ACSBG2: variants seen among roughly 807,000 people sequenced by gnomAD.
ACSBG2 encodes the protein long-chain-fatty-acid--CoA ligase ACSBG2.
ACSBG2 carries 62 observed loss-of-function variants against 74.7 expected under a neutral mutation model. The observed-to-expected ratio is 0.83, with a 90% confidence interval of 0.68 to 1.03. The LOEUF (loss-of-function observed/expected upper bound fraction) is 1.03, where lower values mean the gene tolerates loss of function less well. Ranked by LOEUF, ACSBG2 falls within the 50% of genes least tolerant of loss-of-function variation. ACSBG2 has a pLI of 0.00. For missense variants in ACSBG2, 730 were observed against 817.6 expected (o/e 0.89, Z 1.31); for synonymous variants, 309 against 294.1 (o/e 1.05, Z -0.52).
chr19:6,170,716 G>A (rs1421201246), intron 7 of ACSBG2, among the ~76,000 whole-genome samples: 5 of 152,188 alleles, frequency 3.3e-5, no homozygotes. Context: ...TGTATATTCA[G>A]AGGCCACTGG....
intron 7 of ACSBG2, among the ~76,000 whole-genome samples, chr19:6,175,581 G>C (rs978875940): frequency 1.3e-5 from 2 of 152,124 alleles, no homozygotes; most frequent in Non-Finnish European, 2.9e-5. Flanking sequence ...TGAAGAAAGA[G>C]CATTCCAAGC....
At chr19:6,156,665 T>C (rs80091062) in intron 5 of ACSBG2, 114 bp downstream of exon 5, 66,847 of 1,189,620 alleles carry the variant, frequency 0.056, 4,153 homozygotes, top group African/African-American at 0.31. Context: ...GCCATGCATC[T>C]GTTCAGCGAG....
rs2090437842 is a variant in ACSBG2, at chr19:6,187,374, G to T, written c.1632G>T (p.Met544Ile). The change falls in exon 12 of 15, where the codon ATG becomes ATT. Residue 544 changes from methionine (M) to isoleucine (I), a missense_variant. Physicochemically the swap from Met to Ile is conservative, Grantham distance 10. Coordinates refer to ENST00000588485, the MANE Select transcript of ACSBG2 (RefSeq NM_030924.5). ...AGATCCCCATCATCAGTAACGCCATGTTAGTAGGAGATAAACTGAAGTTTC... is the reference window on the plus strand; with the variant it reads ...AGATCCCCATCATCAGTAACGCCATTTTAGTAGGAGATAAACTGAAGTTTC... ...KKKIPIISNA[M>I]LVGDKLKFLS... The T allele has an allele frequency of 6.2e-7, 1 of 1,614,168 alleles. No homozygotes were observed. The highest frequency in any genetic ancestry group is 1.7e-5 in the Admixed American group (1 of 60,008).
chr19:6,182,571 G>A (rs922624535), intron 8 of ACSBG2, among the ~76,000 whole-genome samples, 180 bp from the exon 9 acceptor site: 4 of 152,128 alleles, frequency 2.6e-5, no homozygotes, highest in African/African-American at 9.7e-5. Context: ...TCCCTAGACA[G>A]AGTGCAAAAA....
intron 14 of ACSBG2, chr19:6,192,071 CAAAAAAAAAAA>C (rs397859531): frequency 1.6e-4 from 9 of 57,476 alleles, no homozygotes; most frequent in Non-Finnish European, 2.1e-4. Flanking sequence ...AGCACAGCAC[CAAAAAAAAAAA>C]AAAAAAAAAA....
chr19:6,149,913 G>A (rs2089176109), intron 3 of ACSBG2, among the ~76,000 whole-genome samples: 1 of 151,164 alleles, frequency 6.6e-6, no homozygotes, highest in Non-Finnish European at 1.5e-5. Flanking sequence ...CAAAGTGCTG[G>A]GATTACAGGC....
chr19:6,179,067 T>C (rs911873220), intron 8 of ACSBG2, among the ~76,000 whole-genome samples: 3 of 152,124 alleles, frequency 2.0e-5, no homozygotes, highest in Non-Finnish European at 4.4e-5. Flanking sequence ...GGCGGTTTTC[T>C]GGAAAAGAGG....
intron 5 of ACSBG2, among the ~76,000 whole-genome samples, chr19:6,157,149 C>T (rs558096299): frequency 1.3e-5 from 2 of 152,184 alleles, no homozygotes; most frequent in Non-Finnish European, 1.5e-5. Flanking sequence ...GGGGTTTCAC[C>T]GTGTTAGCCA....
chr19:6,177,248 C>T lies in ACSBG2; in HGVS notation c.758C>T (p.Ala253Val), dbSNP rs2145205534. 1 of 1,614,064 alleles carries T rather than the reference C, an allele frequency of 6.2e-7. No individual in the cohort carries two copies. The highest frequency in any genetic ancestry group is 8.5e-7 in the Non-Finnish European group (1 of 1,180,008). ...SHDNITWIAGAVTKDFKLTDK... is the reference protein window; with the variant it reads ...SHDNITWIAGVVTKDFKLTDK... Reference sequence around the variant, plus strand: ...TTACAGATCACGTGGATTGCAGGAGCAGTGACAAAGGACTTTAAACTGACA... The same window carrying T: ...TTACAGATCACGTGGATTGCAGGAGTAGTGACAAAGGACTTTAAACTGACA... Residue 253 changes from alanine (A) to valine (V), a missense_variant, in exon 8 of 15, where the codon GCA (alanine) becomes GTA (valine). Physicochemically the swap from Ala to Val is moderately conservative, Grantham distance 64. Transcript: ENST00000588485.
At chr19:6,150,452 T>A (rs1294749335) in intron 3 of ACSBG2, among the ~76,000 whole-genome samples, 1 of 151,760 alleles carries the variant, frequency 6.6e-6, no homozygotes, top group Non-Finnish European at 1.5e-5. Context: ...CGTGTGTCCA[T>A]CAATGGAAGA....
chr19:6,145,838 G>C (rs1471125316), intron 2 of ACSBG2, among the ~76,000 whole-genome samples: 1 of 152,080 alleles, frequency 6.6e-6, no homozygotes, highest in African/African-American at 2.4e-5. Flanking sequence ...AACCTCAATG[G>C]CTTAACACAA....
intron 2 of ACSBG2, among the ~76,000 whole-genome samples, chr19:6,141,937 C>T (rs1394657382): frequency 1.3e-5 from 2 of 152,080 alleles, no homozygotes; most frequent in Non-Finnish European, 2.9e-5. Context: ...CGCTATGTTC[C>T]CCAGGCTGGT....
intron 3 of ACSBG2, among the ~76,000 whole-genome samples, chr19:6,147,953 T>C (rs373710525): frequency 1.4e-3 from 219 of 152,366 alleles, no homozygotes; most frequent in African/African-American, 4.2e-3. Flanking sequence ...AATAGCCTAC[T>C]ACACCCATGG....
At chr19:6,183,356 G>A (rs1038755290) in intron 10 of ACSBG2, 84 bp downstream of exon 10, 23 of 1,180,084 alleles carry the variant, frequency 1.9e-5, no homozygotes, top group Non-Finnish European at 2.7e-5. Flanking sequence ...GGGCCTCTGG[G>A]TTAAGAGGAA....
At chr19:6,136,152 C>CTGGAGTACAGT (rs369519317) in intron 1 of ACSBG2, among the ~76,000 whole-genome samples, 2 of 147,512 alleles carry the variant, frequency 1.4e-5, no homozygotes, top group East Asian at 2.0e-4. Flanking sequence ...GTTGCCCAGG[C>CTGGAGTACAGT]GCAATCTCGG....
At chr19:6,140,687 C>G (rs1044941268) in intron 1 of ACSBG2, among the ~76,000 whole-genome samples, 1 of 152,112 alleles carries the variant, frequency 6.6e-6, no homozygotes, top group African/African-American at 2.4e-5. Context: ...CCCATGTGAT[C>G]TTAAGTCTGA....
chr19:6,190,917 A>G, intron 14 of ACSBG2: 1 of 370,926 alleles, frequency 2.7e-6, no homozygotes. Context: ...TACCAGGGTC[A>G]TGGTAGGGTG....
At chr19:6,190,790 A>AACACACAC (rs767980382) in intron 14 of ACSBG2, 98 bp downstream of exon 14, 3 of 557,764 alleles carry the variant, frequency 5.4e-6, no homozygotes, top group Admixed American at 5.5e-5. Flanking sequence ...AACTGCAGAA[A>AACACACAC]ACACACACAT....
Position 6,187,783 on chromosome 19 carries a change from C to T in ACSBG2, c.1865C>T (p.Ala622Val). ...NAVNQEAMNN[A>V]QRIEKWVILE... ...GTGAACCAGGAAGCCATGAACAATGCACAGAGGATTGAAAAGTGGGTCATC... is the reference window on the plus strand; with the variant it reads ...GTGAACCAGGAAGCCATGAACAATGTACAGAGGATTGAAAAGTGGGTCATC... Residue 622 changes from alanine to valine, a missense_variant, in exon 13 of 15, where the codon GCA becomes GTA. Coordinates refer to ENST00000588485, the MANE Select transcript of ACSBG2 (RefSeq NM_030924.5). 3 of 1,614,172 alleles carry T rather than the reference C, an allele frequency of 1.9e-6. No individual in the cohort carries two copies. The highest frequency in any genetic ancestry group is 1.6e-4 in the Middle Eastern group (1 of 6,062).
Sources: gnomAD v4.1 joint callset for allele counts (sites outside exome capture counted in the v4.1 genomes callset) on GRCh38, gnomAD v4.1.1 for gene constraint, MANE v1.5 for transcripts, NCBI Gene and HGNC (gene_info 2026-07-23, HGNC 2026-07-21) for gene names.